Variants in AKT2 observed in about 807,000 individuals in gnomAD.
AKT2 encodes AKT serine/threonine kinase 2.
AKT2 carries 16 observed loss-of-function variants against 58.6 expected under a neutral mutation model. That is an observed-to-expected ratio of 0.27 (90% CI 0.18 to 0.41). The LOEUF is 0.41. Ranked by LOEUF, AKT2 falls within the 10% of genes least tolerant of loss-of-function variation. The pLI, the probability that AKT2 is intolerant of heterozygous loss-of-function variation, is 1.00. For synonymous variants in AKT2, 253 were observed against 254.0 expected, an observed-to-expected ratio of 1.00 and a Z score of 0.04; for missense variants, 438 against 661.0, an observed-to-expected ratio of 0.66 and a Z score of 3.70.
At chr19:40,259,124 C>T (rs1975759469) in intron 2 of AKT2, among the ~76,000 whole-genome samples, 1 of 152,200 alleles carries the variant, frequency 6.6e-6, no homozygotes, top group Non-Finnish European at 1.5e-5. Flanking sequence ...TGATTTTCAA[C>T]ACAGATGCCA....
At chr19:40,273,702 C>T (rs1287384939) in intron 1 of AKT2, 3 of 152,252 alleles carry the variant, frequency 2.0e-5, no homozygotes, top group Non-Finnish European at 4.4e-5. Context: ...CACACACACA[C>T]CTTCCCCCTC....
chr19:40,257,586 A>AACACACACACACACAC (rs59835118), intron 2 of AKT2, among the ~76,000 whole-genome samples: 15 of 146,236 alleles, frequency 1.0e-4, no homozygotes, highest in African/African-American at 3.8e-4. Context: ...TATGCACACA[A>AACACACACACACACAC]ACACACACAC....
chr19:40,258,966 A>G lies in AKT2; in HGVS notation c.47-1912T>C, dbSNP rs539350235. Among the ~76,000 whole-genome samples the G allele has an allele frequency of 3.3e-5, 5 of 152,330 alleles. No homozygotes were observed. In the South Asian group the frequency reaches 1.0e-3, roughly 32 times the overall value. ...CAAAGAGCCAAAATAATATTGAAAA[A>G]GAAAAATAAAGTTAAATACTTTCCA... On this transcript the variant is annotated intron_variant, in intron 2 of 13. Coordinates refer to ENST00000392038, the MANE Select transcript of AKT2 (RefSeq NM_001626.6).
chr19:40,257,900 G>A (rs1342128517), intron 2 of AKT2, among the ~76,000 whole-genome samples: 4 of 152,146 alleles, frequency 2.6e-5, no homozygotes, highest in Non-Finnish European at 4.4e-5. Context: ...AAAGGACCAC[G>A]TATCATTATG....
In AKT2 at chr19:40,253,713, G is replaced by C. The variant is rs115916874; in HGVS notation, c.287+1445C>G. On this transcript the variant is annotated intron_variant, in intron 4 of 13. Coordinates refer to ENST00000392038, the MANE Select transcript of AKT2 (RefSeq NM_001626.6). ...CTGCATCTAAGCACTCGTCACACAG[G>C]TCTACCTGTGCACACATCAAACGAG... 1.9e-3 allele frequency among the ~76,000 whole-genome samples: 288 copies of C among 152,212 alleles called. 1 individual carries two copies. The highest frequency in any genetic ancestry group is 6.3e-3 in the African/African-American group (260 of 41,520).
intron 6 of AKT2, chr19:40,241,641 C>T (rs982110193): frequency 2.7e-5 from 12 of 450,122 alleles, no homozygotes; most frequent in South Asian, 4.2e-5. Context: ...TCCCCAACAG[C>T]GACGTCCTCC....
In AKT2 at chr19:40,231,766, G is replaced by T; in HGVS notation, c.*2106C>A. The stretch of plus-strand genomic sequence containing the variant: ...CCAGGCTAAAGGGCAGTGACTAGGG[G>T]AGGGCTGACCCCAAGCTGAACAGGG... On this transcript the variant is annotated 3_prime_UTR_variant, in exon 14 of 14. Coordinates refer to ENST00000392038, the MANE Select transcript of AKT2 (RefSeq NM_001626.6). 1 of 233,642 alleles carries T rather than the reference G, an allele frequency of 4.3e-6. No homozygotes were observed. The allele number at this position is 233,642 out of a possible 1,614,324, so 14.5% of individuals were successfully genotyped here. A position where few individuals can be genotyped will look rare whatever the true frequency, so the allele number is the denominator to read the frequency against.
chr19:40,261,532 CA>C (rs34120640), intron 2 of AKT2, among the ~76,000 whole-genome samples: 5,117 of 134,698 alleles, frequency 0.038, 295 homozygotes, highest in African/African-American at 0.13. Context: ...GACTCCATCT[CA>C]AAAAAAAAAA....
rs758367800 is a variant in AKT2 at position 40,238,015 on chromosome 19, G to C, written c.785C>G (p.Ala262Gly). The stretch of plus-strand genomic sequence containing the variant: ...GTCCCGCGAGTGCAAGTACTCAAGA[G>C]CCGAGACAATCTCTGCACCATAAAA... ...ARFYGAEIVS[A>G]LEYLHSRDVV... Residue 262 changes from alanine (A) to glycine (G), a missense_variant, in exon 9 of 14, where the codon GCT (alanine) becomes GGT (glycine). By Grantham distance (60) the Ala-to-Gly change is moderately conservative. Coordinates refer to ENST00000392038, the MANE Select transcript of AKT2 (RefSeq NM_001626.6). This position sits in a 1 kb window ranked among gnomAD's most constrained non-coding sequence, Gnocchi z 5.1. 6.2e-7 allele frequency: 1 copy of C among 1,613,172 alleles called. No individual in the cohort carries two copies. The highest frequency in any genetic ancestry group is 1.7e-5 in the Admixed American group (1 of 59,870).
rs541460496 is a variant in AKT2 at position 40,285,283 on chromosome 19, C to A, written c.-187G>T. The A allele has an allele frequency of 1.3e-5, 5 of 395,020 alleles. No individual in the cohort carries two copies. The highest frequency in any genetic ancestry group is 4.4e-5 in the Admixed American group (1 of 22,548). The allele number at this position is 395,020 out of a possible 1,614,324, so 24.5% of individuals were successfully genotyped here. A position where few individuals can be genotyped will look rare whatever the true frequency, so the allele number is the denominator to read the frequency against. ...TTGTGTTTCCCGGCAGCGGCAACGG[C>A]GCCGGCAGCGGCAGCGGCGGCGGCG... On this transcript the variant is annotated 5_prime_UTR_variant, in exon 1 of 14. Coordinates refer to ENST00000392038, the MANE Select transcript of AKT2 (RefSeq NM_001626.6).
Position 40,238,367 on chromosome 19 carries a change from C to T in AKT2, c.709-276G>A, listed in dbSNP as rs1273975997. On this transcript the variant is annotated intron_variant, in intron 8 of 13. Coordinates refer to ENST00000392038, the MANE Select transcript of AKT2 (RefSeq NM_001626.6). The surrounding 1 kb of genome is among the most constrained non-coding windows in gnomAD (Gnocchi z 5.1). ...GATGGCATGGAGGCAAAAAGAAGCACACGTCATGACCAAGTAACAATAGGC... is the reference window on the plus strand; with the variant it reads ...GATGGCATGGAGGCAAAAAGAAGCATACGTCATGACCAAGTAACAATAGGC... 1.3e-5 allele frequency among the ~76,000 whole-genome samples: 2 copies of T among 152,184 alleles called. No homozygotes were observed. Among genetic ancestry groups the T allele is most frequent in the South Asian group, 2.1e-4 (1 of 4,828 alleles).
intron 1 of AKT2, among the ~76,000 whole-genome samples, chr19:40,272,776 C>A (rs940549610): frequency 1.3e-5 from 2 of 148,480 alleles, no homozygotes; most frequent in Non-Finnish European, 3.0e-5. Context: ...GAAGGAAATA[C>A]GCCACACTAA....
chr19:40,252,452 T>C (rs994673100), intron 4 of AKT2, among the ~76,000 whole-genome samples: 13 of 152,202 alleles, frequency 8.5e-5, no homozygotes, highest in Admixed American at 6.5e-4. Flanking sequence ...CTCTCCTGCC[T>C]ACTAAAACAC....
chr19:40,269,912 C>A (rs540890651), intron 1 of AKT2, among the ~76,000 whole-genome samples: 1 of 152,306 alleles, frequency 6.6e-6, no homozygotes, highest in South Asian at 2.1e-4. Flanking sequence ...CCCTCCCATG[C>A]AACATAAAAG....
At chr19:40,276,753 C>T (rs532221055) in intron 1 of AKT2, among the ~76,000 whole-genome samples, 16 of 152,200 alleles carry the variant, frequency 1.1e-4, no homozygotes, top group South Asian at 4.1e-4. Flanking sequence ...CAGTGATTCA[C>T]GCCTGTAATC....
intron 2 of AKT2, among the ~76,000 whole-genome samples, chr19:40,258,823 T>C (rs1452117666): frequency 1.3e-5 from 2 of 152,130 alleles, no homozygotes; most frequent in African/African-American, 2.4e-5. Context: ...AAGATGGCAA[T>C]ACTACCCAAA....
chr19:40,282,692 T>G, intron 1 of AKT2: 1 of 364,326 alleles, frequency 2.7e-6, no homozygotes, highest in South Asian at 2.1e-5. Flanking sequence ...CTCAGTGACC[T>G]GGGTTCAAAT....
chr19:40,255,062 T>C (rs1011627391), intron 4 of AKT2, 96 bp downstream of exon 4: 7 of 1,008,996 alleles, frequency 6.9e-6, no homozygotes, highest in Admixed American at 1.7e-5. Flanking sequence ...GAAACCCCTA[T>C]GTAGGGTCCC....
At position 40,237,124 on chromosome 19, in the gene AKT2, T is replaced by C. The variant is rs1275077596; in HGVS notation, c.832-739A>G. Reference sequence around the variant, plus strand: ...ACGCGTCCACACTGTCGTGTGTAGCTGTAGCTCATTCCTAACTGCTGTGTG... The same window carrying C: ...ACGCGTCCACACTGTCGTGTGTAGCCGTAGCTCATTCCTAACTGCTGTGTG... On this transcript the variant is annotated intron_variant, in intron 9 of 13. Coordinates refer to ENST00000392038, the MANE Select transcript of AKT2 (RefSeq NM_001626.6). This position sits in a 1 kb window ranked among gnomAD's most constrained non-coding sequence, Gnocchi z 4.5. 6.4e-6 allele frequency: 1 copy of C among 155,692 alleles called. No individual in the cohort carries two copies. The highest frequency in any genetic ancestry group is 1.9e-4 in the East Asian group (1 of 5,232). 9.6% of individuals were successfully genotyped at this position (155,692 alleles called of 1,614,324 possible).
Sources: gnomAD v4.1 joint callset for allele counts (sites outside exome capture counted in the v4.1 genomes callset) on GRCh38, gnomAD v4.1.1 for gene constraint, Gnocchi (gnomAD v3.1) non-coding constraint, MANE v1.5 for transcripts, NCBI Gene and HGNC (gene_info 2026-07-23, HGNC 2026-07-21) for gene names.